MCUB: variants seen among roughly 807,000 people sequenced by gnomAD.
MCUB encodes the protein mitochondrial calcium uniporter dominant negative subunit beta, also known as calcium uniporter regulatory subunit MCUb, mitochondrial.
Under a neutral mutation model 41.4 loss-of-function variants are expected in MCUB, and 46 were observed. The observed-to-expected ratio is 1.11, with a 90% CI of 0.88 to 1.42. The LOEUF (loss-of-function observed/expected upper bound fraction) is 1.42. Among genes scored for constraint, MCUB ranks in the 40% most tolerant of loss-of-function variants. MCUB has a pLI of 0.00. For missense variants in MCUB, 403 were observed against 404.9 expected (o/e 1.00, Z 0.04); for synonymous variants, 148 against 148.2 (o/e 1.00, Z 0.01).
At chr4:109,619,977 G>A (rs1728219948) in intron 1 of MCUB, among the ~76,000 whole-genome samples, 1 of 152,086 alleles carries the variant, frequency 6.6e-6, no homozygotes. Flanking sequence ...GTGACAGTGT[G>A]GATACCCATC....
intron 2 of MCUB, among the ~76,000 whole-genome samples, chr4:109,659,403 A>G (rs114721731): frequency 0.013 from 1,924 of 152,260 alleles, 39 homozygotes; most frequent in African/African-American, 0.044. Context: ...CAACCTGGCC[A>G]ACAAAGCAAA....
At chr4:109,682,883 C>T in intron 5 of MCUB, 141 bp downstream of exon 5, 1 of 595,002 alleles carries the variant, frequency 1.7e-6, no homozygotes, top group Non-Finnish European at 2.9e-6. Context: ...AAGTTCAGTG[C>T]TTTTATCTTC....
chr4:109,681,216 G>A (rs1296445873), intron 4 of MCUB, among the ~76,000 whole-genome samples: 3 of 152,174 alleles, frequency 2.0e-5, no homozygotes, highest in African/African-American at 7.2e-5. Flanking sequence ...TCAGCTGATA[G>A]AGCATCTTCT....
chr4:109,667,224 T>C (rs958998118), intron 4 of MCUB, among the ~76,000 whole-genome samples: 2 of 152,130 alleles, frequency 1.3e-5, no homozygotes, highest in African/African-American at 4.8e-5. Context: ...GACCTGGTGC[T>C]TTCTGTTTTG....
At chr4:109,580,567 C>T (rs1247725608) in intron 1 of MCUB, among the ~76,000 whole-genome samples, 4 of 152,198 alleles carry the variant, frequency 2.6e-5, no homozygotes, top group Non-Finnish European at 5.9e-5. Flanking sequence ...TTAATGATTG[C>T]CATTCTAACT....
chr4:109,659,788 C>T (rs2126144507), intron 2 of MCUB, among the ~76,000 whole-genome samples: 1 of 152,264 alleles, frequency 6.6e-6, no homozygotes. Flanking sequence ...TCTTAAGTAG[C>T]TGCAACTACA....
At chr4:109,674,008 A>G (rs968804963) in intron 4 of MCUB, 18 of 1,202,560 alleles carry the variant, frequency 1.5e-5, no homozygotes, top group Admixed American at 3.4e-5. Context: ...AAATACTAAA[A>G]TGTCCATTCA....
chr4:109,653,023 TA>T (rs1035714594), intron 1 of MCUB, among the ~76,000 whole-genome samples: 3 of 152,170 alleles, frequency 2.0e-5, no homozygotes, highest in African/African-American at 7.2e-5. Flanking sequence ...TTCATTTCTC[TA>T]GGGTAAAGAG....
intron 1 of MCUB, among the ~76,000 whole-genome samples, chr4:109,565,159 A>T (rs1441988074): frequency 6.6e-6 from 1 of 152,204 alleles, no homozygotes; most frequent in East Asian, 1.9e-4. Flanking sequence ...TGGTGATATG[A>T]CCAGAGGAAA....
rs1248622995 is a variant in MCUB, at chr4:109,595,889, G to A, written c.99+35453G>A. Among the ~76,000 whole-genome samples, 7 of 150,790 alleles carry A rather than the reference G, an allele frequency of 4.6e-5. No homozygotes were observed. In the East Asian group the frequency reaches 5.9e-4, roughly 13 times the overall value. The stretch of plus-strand genomic sequence containing the variant: ...TTTGTCACCTGGCCCTTGGGGAGAC[G>A]AGTTCTAGTGAGGAAATTGTAGAGA... On this transcript the variant is annotated intron_variant, in intron 1 of 7. Transcript: ENST00000394650.
chr4:109,684,825 A>T, intron 6 of MCUB, 179 bp downstream of exon 6: 1 of 519,914 alleles, frequency 1.9e-6, no homozygotes, highest in Non-Finnish European at 3.4e-6. Flanking sequence ...CAGAGAAATT[A>T]TATATAACTT....
chr4:109,578,518 ACT>A (rs1192071486), intron 1 of MCUB, among the ~76,000 whole-genome samples: 1 of 150,196 alleles, frequency 6.7e-6, no homozygotes, highest in Non-Finnish European at 1.5e-5. Context: ...AAACAGATTT[ACT>A]CTGTTACCCA....
chr4:109,656,919 T>G (rs184147126), intron 1 of MCUB, among the ~76,000 whole-genome samples: 148 of 152,270 alleles, frequency 9.7e-4, no homozygotes, highest in African/African-American at 3.4e-3. Context: ...GTGAGCTACA[T>G]TTTTAGAAAT....
At chr4:109,682,835 AT>A (rs1729750666) in intron 5 of MCUB, 93 bp downstream of exon 5, 2 of 964,012 alleles carry the variant, frequency 2.1e-6, no homozygotes, top group East Asian at 2.7e-5. Context: ...TGCTTTCCAT[AT>A]GCTAATTTTC....
At chr4:109,618,310 G>A (rs907981751) in intron 1 of MCUB, among the ~76,000 whole-genome samples, 6 of 152,212 alleles carry the variant, frequency 3.9e-5, no homozygotes, top group Non-Finnish European at 8.8e-5. Context: ...TTGTCTTTCA[G>A]ATGGACAATT....
At chr4:109,666,231 T>G (rs1729343287) in intron 4 of MCUB, among the ~76,000 whole-genome samples, 1 of 152,252 alleles carries the variant, frequency 6.6e-6, no homozygotes. Flanking sequence ...TTCCAAGTTT[T>G]GGCAATTATG....
intron 5 of MCUB, chr4:109,683,285 T>C (rs944326524): frequency 6.6e-6 from 1 of 152,294 alleles, no homozygotes; most frequent in African/African-American, 2.4e-5. Context: ...ATCCCATTTG[T>C]GGTTTTTATT....
At chr4:109,636,189 C>T (rs1172296127) in intron 1 of MCUB, among the ~76,000 whole-genome samples, 1 of 152,126 alleles carries the variant, frequency 6.6e-6, no homozygotes, top group Non-Finnish European at 1.5e-5. Context: ...GGGAGGCCCA[C>T]CACTGCTGCA....
chr4:109,601,272 G>C (rs114317048), intron 1 of MCUB, among the ~76,000 whole-genome samples: 163 of 152,184 alleles, frequency 1.1e-3, no homozygotes, highest in African/African-American at 3.9e-3. Flanking sequence ...AAACAACCCA[G>C]TTATACTCTT....
Sources: gnomAD v4.1 joint callset for allele counts (sites outside exome capture counted in the v4.1 genomes callset) on GRCh38, gnomAD v4.1.1 for gene constraint, MANE v1.5 for transcripts, NCBI Gene and HGNC (gene_info 2026-07-23, HGNC 2026-07-21) for gene names.